BORCS5: variants seen among roughly 807,000 people sequenced by gnomAD.
The protein encoded by BORCS5 is BLOC-1-related complex subunit 5.
BORCS5 carries 17 observed loss-of-function variants against 22.1 expected under a neutral mutation model. The ratio of observed to expected loss-of-function variants is 0.77; its 90% CI spans 0.53 to 1.15. BORCS5 has a LOEUF of 1.15. Ranked by LOEUF, BORCS5 falls within the 50% of genes most tolerant of loss-of-function variation. The probability of loss-of-function intolerance (pLI) is 0.00; values close to 1 mark genes in which losing one functional copy is unlikely to be tolerated. For missense variants in BORCS5, 247 were observed against 253.2 expected (o/e 0.98, Z 0.17); for synonymous variants, 117 against 99.8 (o/e 1.17, Z -1.03).
chr12:12,401,535 C>T (rs187195915), intron 2 of BORCS5, among the ~76,000 whole-genome samples: 3 of 150,904 alleles, frequency 2.0e-5, no homozygotes, highest in East Asian at 1.9e-4. Context: ...TTTCTGATCA[C>T]GAAATGAATA....
chr12:12,410,447 C>T (rs1239809838), intron 2 of BORCS5, among the ~76,000 whole-genome samples: 1 of 152,156 alleles, frequency 6.6e-6, no homozygotes, highest in Non-Finnish European at 1.5e-5. Context: ...CTACATATGG[C>T]TAGCTAGTTT....
intron 3 of BORCS5, among the ~76,000 whole-genome samples, chr12:12,447,841 T>C (rs936291643): frequency 6.6e-6 from 1 of 152,194 alleles, no homozygotes; most frequent in African/African-American, 2.4e-5. Flanking sequence ...TACTTTTACC[T>C]CTCTTTAATT....
At chr12:12,381,687 C>T (rs529014247) in intron 2 of BORCS5, among the ~76,000 whole-genome samples, 12 of 151,396 alleles carry the variant, frequency 7.9e-5, no homozygotes, top group Admixed American at 2.0e-4. Flanking sequence ...TTTAGGTCTG[C>T]GATCCATTTT....
chr12:12,357,241 G>T lies in BORCS5; in HGVS notation c.-211G>T, dbSNP rs917776932. 3 of 1,472,498 alleles carry T rather than the reference G, an allele frequency of 2.0e-6. No homozygotes were observed. The African/African-American group carries it at 4.2e-5, about 21-fold the overall frequency. 91.2% of individuals were successfully genotyped at this position (1,472,498 alleles called of 1,614,324 possible). A position where few individuals can be genotyped will look rare whatever the true frequency, so the allele number is the denominator to read the frequency against. On this transcript the variant is annotated 5_prime_UTR_variant, in exon 1 of 4. Coordinates refer to ENST00000314565, the MANE Select transcript of BORCS5 (RefSeq NM_058169.6). ...GCGTGCGTTCGCGCCGCGCCTCCTTGCGTTTCTGTTCCCCAAATAGGGCCT... is the reference window on the plus strand; with the variant it reads ...GCGTGCGTTCGCGCCGCGCCTCCTTTCGTTTCTGTTCCCCAAATAGGGCCT...
In BORCS5 at chr12:12,466,402, A is replaced by G. The variant is rs1258406280; in HGVS notation, c.*626A>G. On this transcript the variant is annotated 3_prime_UTR_variant, in exon 4 of 4. Coordinates refer to ENST00000314565, the MANE Select transcript of BORCS5 (RefSeq NM_058169.6). ...CTGAAGCCTTCCTTTCCACACCCTC[A>G]TCAGATTCATCTCCACTGATAACCG... 1 of 152,094 alleles carries G rather than the reference A, an allele frequency of 6.6e-6. No homozygotes were observed. The highest frequency in any genetic ancestry group is 1.5e-5 in the Non-Finnish European group (1 of 68,044). 9.4% of individuals were successfully genotyped at this position (152,094 alleles called of 1,614,324 possible).
intron 2 of BORCS5, among the ~76,000 whole-genome samples, chr12:12,406,499 G>C (rs1225854008): frequency 6.6e-6 from 1 of 152,104 alleles, no homozygotes; most frequent in Non-Finnish European, 1.5e-5. Context: ...GTGCAAGAAG[G>C]GTTACCCCTT....
intron 2 of BORCS5, among the ~76,000 whole-genome samples, chr12:12,391,674 C>T (rs1431654878): frequency 6.6e-6 from 1 of 151,422 alleles, no homozygotes; most frequent in African/African-American, 2.4e-5. Context: ...AGACGTGAGC[C>T]ACCACGCCTG....
chr12:12,376,383 G>A (rs964522000), intron 2 of BORCS5, among the ~76,000 whole-genome samples: 2 of 151,818 alleles, frequency 1.3e-5, no homozygotes, highest in Non-Finnish European at 2.9e-5. Context: ...ACAGGCGCCC[G>A]CCACCACGCC....
chr12:12,439,243 G>C (rs1942629655), intron 3 of BORCS5, among the ~76,000 whole-genome samples: 1 of 152,182 alleles, frequency 6.6e-6, no homozygotes, highest in Admixed American at 6.5e-5. Context: ...TAGGGCGGTG[G>C]GATGTTGGGT....
intron 2 of BORCS5, among the ~76,000 whole-genome samples, chr12:12,403,975 C>T (rs566974571): frequency 2.0e-5 from 3 of 152,134 alleles, no homozygotes; most frequent in Admixed American, 1.3e-4. Flanking sequence ...CTTGTAGTTC[C>T]GTATAACTGC....
intron 2 of BORCS5, among the ~76,000 whole-genome samples, chr12:12,432,352 C>T (rs1942451426): frequency 6.6e-6 from 1 of 152,126 alleles, no homozygotes; most frequent in Non-Finnish European, 1.5e-5. Context: ...GTTTGCGTTC[C>T]TGGAAATGTA....
At chr12:12,378,253 T>C (rs1386369282) in intron 2 of BORCS5, among the ~76,000 whole-genome samples, 1 of 152,074 alleles carries the variant, frequency 6.6e-6, no homozygotes, top group Non-Finnish European at 1.5e-5. Context: ...GCGCCTGTAA[T>C]CCCAGCTACT....
intron 2 of BORCS5, among the ~76,000 whole-genome samples, chr12:12,393,430 C>A (rs922257422): frequency 6.6e-6 from 1 of 151,960 alleles, no homozygotes; most frequent in Admixed American, 6.6e-5. Context: ...CACTGAATTG[C>A]TGTTGAGCCA....
intron 2 of BORCS5, among the ~76,000 whole-genome samples, chr12:12,380,337 TG>T (rs2136043215): frequency 6.6e-6 from 1 of 150,990 alleles, no homozygotes; most frequent in South Asian, 2.1e-4. Flanking sequence ...AAATTTGAAG[TG>T]GAATAGAATG....
At chr12:12,399,362 A>T (rs527940832) in intron 2 of BORCS5, among the ~76,000 whole-genome samples, 16 of 152,292 alleles carry the variant, frequency 1.1e-4, no homozygotes, top group African/African-American at 3.6e-4. Context: ...ATTGTTCCCC[A>T]AATCAACACT....
At chr12:12,387,991 CTCTT>C (rs1863919230) in intron 2 of BORCS5, among the ~76,000 whole-genome samples, 2 of 151,426 alleles carry the variant, frequency 1.3e-5, no homozygotes, top group South Asian at 4.2e-4. Flanking sequence ...AGACACAGAA[CTCTT>C]TCTGTTAAGA....
intron 3 of BORCS5, among the ~76,000 whole-genome samples, chr12:12,451,341 A>G (rs1430432320): frequency 1.3e-5 from 2 of 152,214 alleles, no homozygotes; most frequent in Non-Finnish European, 2.9e-5. Context: ...CATGCGATAC[A>G]TATCTGGTTC....
chr12:12,400,721 C>G (rs902782354), intron 2 of BORCS5, among the ~76,000 whole-genome samples: 1 of 152,188 alleles, frequency 6.6e-6, no homozygotes, highest in Non-Finnish European at 1.5e-5. Flanking sequence ...AACGCCCCCT[C>G]CCCATCCTTT....
chr12:12,382,084 G>A (rs1317953440), intron 2 of BORCS5, among the ~76,000 whole-genome samples: 1 of 151,280 alleles, frequency 6.6e-6, no homozygotes, highest in Admixed American at 6.6e-5. Flanking sequence ...AGCCATTTGT[G>A]TTAGTCCACT....
Sources: allele counts gnomAD v4.1 joint callset (sites outside exome capture counted in the v4.1 genomes callset), GRCh38; gene constraint gnomAD v4.1.1; transcripts MANE v1.5; gene names NCBI Gene and HGNC (gene_info 2026-07-23, HGNC 2026-07-21).